Variants in TRHDE observed in about 807,000 individuals in gnomAD.
The protein encoded by TRHDE is thyrotropin releasing hormone degrading enzyme, also known as thyrotropin-releasing hormone-degrading ectoenzyme.
A neutral mutation model predicts 125.7 loss-of-function variants in TRHDE; 72 were observed. That is an observed-to-expected ratio of 0.57 (90% confidence interval 0.47 to 0.70). The LOEUF is 0.70. TRHDE is among the 30% of genes least tolerant of loss of function. The probability of loss-of-function intolerance (pLI) is 0.00; values close to 1 mark genes in which losing one functional copy is unlikely to be tolerated. For synonymous variants in TRHDE, 509 were observed against 509.1 expected (o/e 1.00, Z 0.00); for missense variants, 1,110 against 1,327.1 (o/e 0.84, Z 2.54).
intron 3 of TRHDE, among the ~76,000 whole-genome samples, chr12:72,415,770 T>C (rs2135820240): frequency 6.6e-6 from 1 of 152,296 alleles, no homozygotes; most frequent in South Asian, 2.1e-4. Context: ...TATCACATTT[T>C]CTTTATTCAT....
chr12:72,451,874 G>A (rs988995772), intron 3 of TRHDE, among the ~76,000 whole-genome samples: 2 of 152,050 alleles, frequency 1.3e-5, no homozygotes, highest in African/African-American at 4.8e-5. Flanking sequence ...TGTTGGCCAA[G>A]CTGGAACACA....
intron 2 of TRHDE, among the ~76,000 whole-genome samples, chr12:72,226,877 C>G (rs1878138928): frequency 6.6e-6 from 1 of 152,102 alleles, no homozygotes; most frequent in South Asian, 2.1e-4. Context: ...AGAATGGTAC[C>G]TAAGATTAAT....
chr12:72,620,986 T>A (rs770847934), intron 13 of TRHDE, 122 bp from the exon 14 acceptor site: 12 of 520,426 alleles, frequency 2.3e-5, no homozygotes, highest in Admixed American at 2.0e-4. Flanking sequence ...TACTTATAAT[T>A]TTATGGATAT....
chr12:72,587,988 T>A lies in TRHDE; in HGVS notation c.2321+12446T>A, dbSNP rs1291126027. Among the ~76,000 whole-genome samples the A allele has an allele frequency of 5.3e-5, 8 of 152,310 alleles. No individual in the cohort carries two copies. The East Asian group carries it at 1.5e-3, about 29-fold the overall frequency. On this transcript the variant is annotated intron_variant, in intron 12 of 18. Transcript: ENST00000261180. Reference sequence around the variant, plus strand: ...CTATTTCTCATTGCAAACAAGTCAGTTTCTGAAGTGTATATCCACAATATT... The same window carrying A: ...CTATTTCTCATTGCAAACAAGTCAGATTCTGAAGTGTATATCCACAATATT...
chr12:72,506,533 T>C (rs976230099), intron 6 of TRHDE, among the ~76,000 whole-genome samples: 1 of 152,202 alleles, frequency 6.6e-6, no homozygotes, highest in African/African-American at 2.4e-5. Flanking sequence ...TTTTAACTCA[T>C]TTTACTGACG....
chr12:72,618,743 A>G, intron 12 of TRHDE, 148 bp from the exon 13 acceptor site: 1 of 553,888 alleles, frequency 1.8e-6, no homozygotes, highest in South Asian at 5.1e-5. Flanking sequence ...AAGTATGACT[A>G]TATTTTAAAA....
At chr12:72,275,697 T>C (rs1427014797) in intron 1 of TRHDE, among the ~76,000 whole-genome samples, 3 of 152,242 alleles carry the variant, frequency 2.0e-5, no homozygotes, top group Admixed American at 2.0e-4. Flanking sequence ...GAGCTTGTTT[T>C]GGTCAATGCT....
At chr12:72,167,415 T>C (rs1035985669) in intron 2 of TRHDE, 3 of 152,208 alleles carry the variant, frequency 2.0e-5, no homozygotes, top group African/African-American at 7.2e-5. Context: ...TGGAAATGGA[T>C]TATTCAATCT....
chr12:72,494,625 T>A (rs1877825022), intron 5 of TRHDE, among the ~76,000 whole-genome samples: 1 of 152,054 alleles, frequency 6.6e-6, no homozygotes, highest in Admixed American at 6.6e-5. Flanking sequence ...CACCAGTGAC[T>A]GTAGCTACAC....
At chr12:72,179,307 AGCTATTG>A (rs1354583054) in intron 2 of TRHDE, among the ~76,000 whole-genome samples, 1 of 152,124 alleles carries the variant, frequency 6.6e-6, no homozygotes, top group East Asian at 1.9e-4. Context: ...GCTTTCTATA[AGCTATTG>A]GCATGAGTTT....
intron 4 of TRHDE, 110 bp from the exon 5 acceptor site, chr12:72,472,957 G>A (rs910781660): frequency 1.3e-5 from 11 of 851,554 alleles, no homozygotes; most frequent in Admixed American, 6.8e-5. Context: ...AAATCAACTG[G>A]GGAATGAATT....
At chr12:72,177,121 A>AC in intron 2 of TRHDE, among the ~76,000 whole-genome samples, 1 of 151,886 alleles carries the variant, frequency 6.6e-6, no homozygotes, top group Non-Finnish European at 1.5e-5. Context: ...GCATCACCAA[A>AC]GGTTTTTTTT....
At chr12:72,514,155 C>A (rs1418740769) in intron 6 of TRHDE, among the ~76,000 whole-genome samples, 1 of 152,038 alleles carries the variant, frequency 6.6e-6, no homozygotes, top group African/African-American at 2.4e-5. Context: ...AAAAGCCCAA[C>A]TTCATATCTC....
chr12:72,637,956 G>C (rs1873841802), intron 15 of TRHDE, among the ~76,000 whole-genome samples: 1 of 152,062 alleles, frequency 6.6e-6, no homozygotes, highest in South Asian at 2.1e-4. Flanking sequence ...GGTGTGGTGT[G>C]GTGCTGAAAA....
intron 5 of TRHDE, among the ~76,000 whole-genome samples, chr12:72,481,456 G>A (rs889965063): frequency 3.3e-5 from 5 of 150,298 alleles, no homozygotes; most frequent in South Asian, 4.2e-4. Flanking sequence ...GTAAAGACTC[G>A]TGTAGCATTT....
chr12:72,215,841 G>A (rs115597615), intron 2 of TRHDE, among the ~76,000 whole-genome samples: 2,588 of 152,214 alleles, frequency 0.017, 72 homozygotes, highest in African/African-American at 0.057. Flanking sequence ...ATTTGGAAAC[G>A]AAGCAGCTAC....
chr12:72,138,620 C>G (rs1175115209), intron 2 of TRHDE, among the ~76,000 whole-genome samples: 1 of 152,176 alleles, frequency 6.6e-6, no homozygotes. Context: ...GGAAAACTGT[C>G]CAGTCCCATC....
intron 12 of TRHDE, among the ~76,000 whole-genome samples, chr12:72,586,631 C>T (rs1476634665): frequency 1.3e-5 from 2 of 152,054 alleles, no homozygotes; most frequent in Admixed American, 6.6e-5. Context: ...TAGATTCTTC[C>T]TTCCTAAACT....
At chr12:72,121,720 CTT>C (rs57483232) in intron 2 of TRHDE, among the ~76,000 whole-genome samples, 9,199 of 111,522 alleles carry the variant, frequency 0.082, 230 homozygotes, top group Middle Eastern at 0.13. Context: ...ACGAAGGTGC[CTT>C]TTTTTTTTTT....
Sources: allele counts gnomAD v4.1 joint callset (sites outside exome capture counted in the v4.1 genomes callset), GRCh38; gene constraint gnomAD v4.1.1; transcripts MANE v1.5; gene names NCBI Gene and HGNC (gene_info 2026-07-23, HGNC 2026-07-21).